The following FARS2 variants were observed in gnomAD, a reference collection of about 807,000 sequenced individuals.
FARS2 encodes the protein phenylalanine--tRNA ligase, mitochondrial.
In FARS2, 40 loss-of-function variants were observed where a neutral mutation model predicts 46.4. That is an observed-to-expected ratio of 0.86 (90% CI 0.67 to 1.12). The LOEUF (loss-of-function observed/expected upper bound fraction) is 1.12. FARS2 is among the 50% of genes most tolerant of loss of function. FARS2 has a pLI of 0.00. For missense variants in FARS2, 513 were observed against 567.9 expected (o/e 0.90, Z 0.98); for synonymous variants, 234 against 214.9 (o/e 1.09, Z -0.78).
intron 6 of FARS2, among the ~76,000 whole-genome samples, chr6:5,686,134 A>G (rs1412178197): frequency 6.6e-6 from 1 of 152,168 alleles, no homozygotes. Context: ...GTGAGTGCTC[A>G]ATAGATGTCT....
chr6:5,526,515 G>T (rs537242773), intron 4 of FARS2, among the ~76,000 whole-genome samples: 19 of 152,310 alleles, frequency 1.2e-4, no homozygotes, highest in African/African-American at 4.3e-4. Flanking sequence ...ATAACAGTGT[G>T]ACAAGAAATA....
chr6:5,405,455 A>G (rs1390302422), intron 3 of FARS2, among the ~76,000 whole-genome samples: 2 of 143,514 alleles, frequency 1.4e-5, no homozygotes, highest in Non-Finnish European at 3.0e-5. Context: ...TCATTACATG[A>G]GGACGTGATC....
intron 4 of FARS2, among the ~76,000 whole-genome samples, chr6:5,477,064 T>C (rs1257792745): frequency 2.0e-5 from 3 of 152,256 alleles, no homozygotes; most frequent in African/African-American, 7.2e-5. Context: ...TTGGTACTTC[T>C]CTTTCCTAGT....
intron 4 of FARS2, among the ~76,000 whole-genome samples, chr6:5,433,012 A>G (rs547844828): frequency 1.5e-3 from 228 of 152,222 alleles, no homozygotes; most frequent in Middle Eastern, 3.4e-3. Context: ...CCTCAGGAGA[A>G]AGCCCAGCAC....
chr6:5,758,693 T>C (rs1392614286), intron 6 of FARS2, among the ~76,000 whole-genome samples: 1 of 152,208 alleles, frequency 6.6e-6, no homozygotes, highest in Non-Finnish European at 1.5e-5. Flanking sequence ...CTTCAACAAG[T>C]TTCACTTGAA....
At chr6:5,429,261 CAG>C (rs145546506) in intron 3 of FARS2, among the ~76,000 whole-genome samples, 2,159 of 152,098 alleles carry the variant, frequency 0.014, 54 homozygotes, top group African/African-American at 0.049. Context: ...CTATTTAACA[CAG>C]AGAAAATAAG....
At chr6:5,286,477 G>A (rs545900779) in intron 1 of FARS2, among the ~76,000 whole-genome samples, 5 of 152,136 alleles carry the variant, frequency 3.3e-5, no homozygotes, top group African/African-American at 1.2e-4. Flanking sequence ...TGCCCAGACT[G>A]TTAACTCCTG....
chr6:5,260,599 C>CCCCCGG, upstream of FARS2: 2 of 1,134,692 alleles, frequency 1.8e-6, no homozygotes, highest in Non-Finnish European at 2.5e-6. Flanking sequence ...CACCCCCGGT[C>CCCCCGG]CCCGGCCCCT....
At chr6:5,522,560 C>T (rs1439224870) in intron 4 of FARS2, among the ~76,000 whole-genome samples, 3 of 152,240 alleles carry the variant, frequency 2.0e-5, no homozygotes, top group East Asian at 1.9e-4. Context: ...CTCGGACCAG[C>T]GGAAGTATGT....
chr6:5,664,270 A>T (rs1777995541), intron 6 of FARS2, among the ~76,000 whole-genome samples: 1 of 152,340 alleles, frequency 6.6e-6, no homozygotes, highest in South Asian at 2.1e-4. Flanking sequence ...CTTGGAAGTC[A>T]AAGACTATCC....
intron 4 of FARS2, among the ~76,000 whole-genome samples, chr6:5,460,343 C>T (rs988651006): frequency 2.0e-5 from 3 of 152,208 alleles, no homozygotes; most frequent in Non-Finnish European, 4.4e-5. Flanking sequence ...TATAGGTATA[C>T]TGCTTCCTGT....
intron 1 of FARS2, among the ~76,000 whole-genome samples, chr6:5,334,843 T>A (rs1771046815): frequency 6.6e-6 from 1 of 152,204 alleles, no homozygotes; most frequent in Non-Finnish European, 1.5e-5. Context: ...ATATTATCTC[T>A]CCAGGAATAA....
At chr6:5,313,246 A>T (rs1007070513) in intron 1 of FARS2, among the ~76,000 whole-genome samples, 5 of 152,200 alleles carry the variant, frequency 3.3e-5, no homozygotes, top group African/African-American at 1.2e-4. Context: ...GTGCTACCAC[A>T]TTCTCTATGC....
intron 1 of FARS2, among the ~76,000 whole-genome samples, chr6:5,317,018 G>C (rs1180829355): frequency 2.0e-5 from 3 of 152,100 alleles, no homozygotes; most frequent in Admixed American, 6.6e-5. Context: ...CTCACCTCCT[G>C]TCACACTCAC....
intron 1 of FARS2, among the ~76,000 whole-genome samples, chr6:5,357,713 A>G (rs1758027542): frequency 6.6e-6 from 1 of 152,240 alleles, no homozygotes; most frequent in Admixed American, 6.5e-5. Context: ...AGGAGAGGGC[A>G]GGCAATGGAA....
intron 4 of FARS2, among the ~76,000 whole-genome samples, chr6:5,481,610 ATCCC>A (rs1766461109): frequency 6.6e-6 from 1 of 152,196 alleles, no homozygotes; most frequent in African/African-American, 2.4e-5. Context: ...GCCATTTTCT[ATCCC>A]GAGGCCCTTG....
Position 5,764,831 on chromosome 6 carries a change from C to A in FARS2, c.1218-6460C>A, listed in dbSNP as rs1177504635. ...CAAGTGGTTGTATGATAGAGGAATTCCAACCCTCGCTAACACTCTGACCCC... is the reference window on the plus strand; with the variant it reads ...CAAGTGGTTGTATGATAGAGGAATTACAACCCTCGCTAACACTCTGACCCC... On this transcript the variant is annotated intron_variant, in intron 6 of 6. Transcript: ENST00000274680. This position sits in a 1 kb window ranked among gnomAD's most constrained non-coding sequence, Gnocchi z 4.1. Among the ~76,000 whole-genome samples the A allele has an allele frequency of 2.0e-5, 3 of 152,170 alleles. No individual in the cohort carries two copies. Among genetic ancestry groups the A allele is most frequent in the Non-Finnish European group, 4.4e-5 (3 of 68,020 alleles).
chr6:5,466,464 C>T, intron 4 of FARS2: 2 of 928,114 alleles, frequency 2.2e-6, no homozygotes, highest in Non-Finnish European at 2.6e-6. Context: ...TATTCCCAGG[C>T]TTAGCTCTGA....
At chr6:5,505,494 T>A (rs1407439798) in intron 4 of FARS2, among the ~76,000 whole-genome samples, 1 of 152,220 alleles carries the variant, frequency 6.6e-6, no homozygotes, top group Non-Finnish European at 1.5e-5. Flanking sequence ...ACATACATCC[T>A]CCTCAGCTGA....
Sources: allele counts gnomAD v4.1 joint callset (sites outside exome capture counted in the v4.1 genomes callset), GRCh38; gene constraint gnomAD v4.1.1; non-coding constraint Gnocchi (gnomAD v3.1); transcripts MANE v1.5; gene names NCBI Gene and HGNC (gene_info 2026-07-23, HGNC 2026-07-21).